Variants in ADD2 observed in about 807,000 individuals in gnomAD.
ADD2 encodes beta-adducin.
Under a neutral mutation model 83.0 loss-of-function variants are expected in ADD2, and 23 were observed. The observed-to-expected ratio is 0.28, with a 90% CI of 0.20 to 0.39. The LOEUF is 0.39. ADD2 is among the 10% of genes least tolerant of loss of function. The pLI is 1.00. For synonymous variants in ADD2, 375 were observed against 375.4 expected (o/e 1.00, Z 0.01); for missense variants, 758 against 944.9 (o/e 0.80, Z 2.59).
rs1381490339 is a variant in ADD2 at position 70,706,884 on chromosome 2, T to C, written c.-34-442A>G. Among the ~76,000 whole-genome samples the C allele has an allele frequency of 1.3e-5, 2 of 152,178 alleles. No homozygotes were observed. The highest frequency in any genetic ancestry group is 2.9e-5 in the Non-Finnish European group (2 of 68,036). ...CAAAAATTATGGTGGAAATAGCTAA[T>C]GCATGCTGGGCTTAACACCTAGGTA... On this transcript the variant is annotated intron_variant, in intron 2 of 15. Coordinates refer to ENST00000264436, the MANE Select transcript of ADD2 (RefSeq NM_001617.4). The surrounding 1 kb of genome is among the most constrained non-coding windows in gnomAD (Gnocchi z 5.0).
chr2:70,704,263 T>TGGCCCCCCCCCCCCCCCCCCCCCCCCCAC, intron 4 of ADD2, 58 bp downstream of exon 4: 1 of 913,238 alleles, frequency 1.1e-6, no homozygotes, highest in Non-Finnish European at 1.7e-6. Flanking sequence ...CTCCCTCTCT[T>TGGCCCCCCCCCCCCCCCCCCCCCCCCCAC]CCCCACCCCA....
At chr2:70,714,022 C>T (rs1278034694) in intron 1 of ADD2, among the ~76,000 whole-genome samples, 4 of 151,730 alleles carry the variant, frequency 2.6e-5, no homozygotes, top group Admixed American at 2.6e-4. Flanking sequence ...GAAGAAAGGC[C>T]CCAGCTAATA....
intron 1 of ADD2, among the ~76,000 whole-genome samples, chr2:70,718,360 C>T (rs1368804912): frequency 6.6e-6 from 1 of 152,100 alleles, no homozygotes; most frequent in Admixed American, 6.6e-5. Flanking sequence ...GAGACATGGC[C>T]CTGCCTGCTA....
At chr2:70,687,082 C>T (rs1670771705) in intron 9 of ADD2, 2 of 152,206 alleles carry the variant, frequency 1.3e-5, no homozygotes, top group South Asian at 2.1e-4. Flanking sequence ...CAGTTGAGTC[C>T]TAAAAATAGC....
At chr2:70,744,890 C>T (rs1203883850) in intron 1 of ADD2, among the ~76,000 whole-genome samples, 5 of 151,986 alleles carry the variant, frequency 3.3e-5, no homozygotes, top group Non-Finnish European at 7.4e-5. Context: ...GTTTAGGAGA[C>T]AAAAACAAAC....
chr2:70,714,088 C>T (rs1672340743), intron 1 of ADD2, among the ~76,000 whole-genome samples: 1 of 152,054 alleles, frequency 6.6e-6, no homozygotes, highest in African/African-American at 2.4e-5. Context: ...TTGTTAATAC[C>T]TTACAAACTA....
At chr2:70,767,787 G>T in intron 1 of ADD2, 99 bp downstream of exon 1, 1 of 1,500,068 alleles carries the variant, frequency 6.7e-7, no homozygotes, top group Non-Finnish European at 8.9e-7. Context: ...GCCCCACCTG[G>T]GCCAAGCGGC....
intron 12 of ADD2, among the ~76,000 whole-genome samples, 193 bp from the exon 13 acceptor site, chr2:70,677,078 T>C (rs954028726): frequency 6.6e-6 from 1 of 152,120 alleles, no homozygotes; most frequent in Non-Finnish European, 1.5e-5. Context: ...TAGCAATTTA[T>C]GTAAAGCACC....
intron 3 of ADD2, among the ~76,000 whole-genome samples, chr2:70,704,998 G>T (rs1300451128): frequency 2.0e-5 from 3 of 152,132 alleles, no homozygotes; most frequent in African/African-American, 7.2e-5. Context: ...AAGGAATCCT[G>T]CCCACCAGGT....
chr2:70,742,065 C>A (rs1673946871), intron 1 of ADD2, among the ~76,000 whole-genome samples: 1 of 152,234 alleles, frequency 6.6e-6, no homozygotes, highest in South Asian at 2.1e-4. Flanking sequence ...TTGATCCAAT[C>A]TGTTTTAACT....
At chr2:70,741,183 A>G (rs1305558713) in intron 1 of ADD2, among the ~76,000 whole-genome samples, 1 of 152,262 alleles carries the variant, frequency 6.6e-6, no homozygotes, top group Non-Finnish European at 1.5e-5. Flanking sequence ...AAAGAGAGTC[A>G]GGAGCATCAA....
chr2:70,663,869 G>A (rs1675641436), intron 15 of ADD2, 134 bp from the exon 16 acceptor site: 1 of 946,198 alleles, frequency 1.1e-6, no homozygotes, highest in Admixed American at 2.8e-5. Context: ...CTGATGTTGA[G>A]GGATGGCTAC....
rs552386731 is a variant in ADD2, at chr2:70,748,097, G to A, written c.-154+19789C>T. Among the ~76,000 whole-genome samples the A allele has an allele frequency of 3.9e-5, 6 of 152,146 alleles. No individual in the cohort carries two copies. The South Asian group carries it at 1.2e-3, about 32-fold the overall frequency. ...GCACCCAGAACCAAAAAAAGAGCTTGTGGTCACAGCAGGGCATGGAGATGG... is the reference window on the plus strand; with the variant it reads ...GCACCCAGAACCAAAAAAAGAGCTTATGGTCACAGCAGGGCATGGAGATGG... On this transcript the variant is annotated intron_variant, in intron 1 of 15. Transcript: ENST00000264436.
intron 1 of ADD2, 149 bp downstream of exon 1, chr2:70,767,737 C>T (rs949448044): frequency 7.0e-7 from 1 of 1,429,958 alleles, no homozygotes; most frequent in Non-Finnish European, 9.1e-7. Flanking sequence ...ACACCGCTGC[C>T]GGCCAGGGCT....
chr2:70,676,787 C>G lies in ADD2; in HGVS notation c.1593+9G>C. ...TTTCCCCGCCAGTCAGGGGCAGCCT[C>G]TGCTCTACCGGGCTTCGGCTCTTCT... On this transcript the variant is annotated intron_variant, in intron 13 of 15. Coordinates refer to ENST00000264436, the MANE Select transcript of ADD2 (RefSeq NM_001617.4). The surrounding 1 kb of genome is among the most constrained non-coding windows in gnomAD (Gnocchi z 4.8). The G allele has an allele frequency of 1.2e-6, 2 of 1,614,210 alleles. No homozygotes were observed. Among genetic ancestry groups the G allele is most frequent in the South Asian group, 2.2e-5 (2 of 91,090 alleles).
At chr2:70,680,013 C>T (rs1406005389) in intron 10 of ADD2, among the ~76,000 whole-genome samples, 6 of 151,928 alleles carry the variant, frequency 3.9e-5, no homozygotes, top group Non-Finnish European at 4.4e-5. Context: ...TGTCTTTTAC[C>T]TTGTTTATGG....
Position 70,706,768 on chromosome 2 carries a change from A to C in ADD2, c.-34-326T>G, listed in dbSNP as rs1178171023. ...GAAACATGACCTGCAGACCTTGTTG[A>C]GCATTTCTGTGATGCACACCTATGC... On this transcript the variant is annotated intron_variant, in intron 2 of 15. Transcript: ENST00000264436. This position sits in a 1 kb window ranked among gnomAD's most constrained non-coding sequence, Gnocchi z 5.0. Among the ~76,000 whole-genome samples, 1 of 152,168 alleles carries C rather than the reference A, an allele frequency of 6.6e-6. No individual in the cohort carries two copies. The highest frequency in any genetic ancestry group is 1.5e-5 in the Non-Finnish European group (1 of 68,024).
At chr2:70,732,575 T>C (rs1673340346) in intron 1 of ADD2, among the ~76,000 whole-genome samples, 1 of 152,174 alleles carries the variant, frequency 6.6e-6, no homozygotes, top group Admixed American at 6.5e-5. Context: ...GTCCCGGATC[T>C]CCCTGAGCCA....
At chr2:70,675,656 A>T in intron 13 of ADD2, 3 of 985,428 alleles carry the variant, frequency 3.0e-6, no homozygotes, top group Non-Finnish European at 3.6e-6. Flanking sequence ...GTGAAGCCAA[A>T]GGGAGGTGAG....
Sources: gnomAD v4.1 joint callset for allele counts (sites outside exome capture counted in the v4.1 genomes callset) on GRCh38, gnomAD v4.1.1 for gene constraint, Gnocchi (gnomAD v3.1) non-coding constraint, MANE v1.5 for transcripts, NCBI Gene and HGNC (gene_info 2026-07-23, HGNC 2026-07-21) for gene names.